PITPNC1: variants seen among roughly 807,000 people sequenced by gnomAD.
PITPNC1 encodes phosphatidylinositol transfer protein cytoplasmic 1, also known as cytoplasmic phosphatidylinositol transfer protein 1.
In PITPNC1, 18 loss-of-function variants were observed where a neutral mutation model predicts 44.7. That is an observed-to-expected ratio of 0.40 (90% CI 0.28 to 0.60). The LOEUF (loss-of-function observed/expected upper bound fraction) is 0.60. PITPNC1 is among the 20% of genes least tolerant of loss of function. The pLI, the probability that PITPNC1 is intolerant of heterozygous loss-of-function variation, is 0.39. For missense variants in PITPNC1, 290 were observed against 418.4 expected (o/e 0.69, Z 2.68); for synonymous variants, 141 against 149.6 (o/e 0.94, Z 0.42).
chr17:67,617,793 T>C (rs985997866), intron 5 of PITPNC1, among the ~76,000 whole-genome samples: 21 of 152,118 alleles, frequency 1.4e-4, no homozygotes, highest in Non-Finnish European at 2.2e-4. Context: ...GCCTTAATCG[T>C]ATCTGTGTCC....
chr17:67,691,689 A>T lies in PITPNC1; in HGVS notation c.683-883A>T, dbSNP rs538793817. Among the ~76,000 whole-genome samples the T allele has an allele frequency of 3.9e-5, 6 of 152,322 alleles. No homozygotes were observed. The East Asian group carries it at 1.2e-3, about 29-fold the overall frequency. On this transcript the variant is annotated intron_variant, in intron 8 of 8. Transcript: ENST00000581322. ...CATCTTTGTGGCCCCTCAGAATAAA[A>T]AAGTATATGTATTGATTAAGAAGAT...
chr17:67,400,605 G>T (rs1186192082), intron 1 of PITPNC1, among the ~76,000 whole-genome samples: 1 of 151,962 alleles, frequency 6.6e-6, no homozygotes, highest in Non-Finnish European at 1.5e-5. Context: ...AGTAACACAA[G>T]GAAAGATTTC....
chr17:67,549,507 T>C (rs1170179229), intron 2 of PITPNC1, among the ~76,000 whole-genome samples: 2 of 152,206 alleles, frequency 1.3e-5, no homozygotes, highest in Non-Finnish European at 2.9e-5. Flanking sequence ...CTGAAACAGC[T>C]AAAATAGATT....
chr17:67,445,595 A>G (rs1290231804), intron 1 of PITPNC1, among the ~76,000 whole-genome samples: 1 of 152,072 alleles, frequency 6.6e-6, no homozygotes, highest in Non-Finnish European at 1.5e-5. Flanking sequence ...GGTGCATTTA[A>G]AGAAACTGTT....
intron 1 of PITPNC1, among the ~76,000 whole-genome samples, chr17:67,412,251 C>T (rs1298579885): frequency 2.6e-5 from 4 of 152,058 alleles, no homozygotes; most frequent in South Asian, 4.1e-4. Context: ...GCCTGGAGCC[C>T]GGGGCAGGGT....
chr17:67,599,014 ATATATATATATATATATATATTTTT>A (rs1307758208), intron 5 of PITPNC1, among the ~76,000 whole-genome samples: 3 of 20,176 alleles, frequency 1.5e-4, no homozygotes, highest in Non-Finnish European at 4.4e-4. Flanking sequence ...ATATATATAT[ATATATATATATATATATATATTTTT>A]TTTTTTTTTT....
chr17:67,669,536 C>T lies in PITPNC1; in HGVS notation c.491C>T (p.Thr164Ile). 6.2e-7 allele frequency: 1 copy of T among 1,608,486 alleles called. No homozygotes were observed. The highest frequency in any genetic ancestry group is 8.5e-7 in the Non-Finnish European group (1 of 1,176,984). ...CCTAAGCACTTCAAGTCAGAGAAGA[C>T]AGGACGGGGACAGTTGAGGGAAGGC... is the stretch of plus-strand genomic sequence containing the variant. Reference protein sequence around the residue: ...EDPKHFKSEKTGRGQLREGWR... With the variant: ...EDPKHFKSEKIGRGQLREGWR... The change falls in exon 7 of 9, where the codon ACA (threonine) becomes ATA (isoleucine). Residue 164 changes from threonine to isoleucine, a missense_variant. Coordinates refer to ENST00000581322, the MANE Select transcript of PITPNC1 (RefSeq NM_012417.4).
chr17:67,576,126 C>G (rs1210832109), intron 4 of PITPNC1, among the ~76,000 whole-genome samples: 2 of 152,048 alleles, frequency 1.3e-5, no homozygotes, highest in African/African-American at 4.8e-5. Flanking sequence ...ATATGCCTGC[C>G]TTGGTCTCCC....
At chr17:67,423,783 T>C (rs943598003) in intron 1 of PITPNC1, among the ~76,000 whole-genome samples, 3 of 152,102 alleles carry the variant, frequency 2.0e-5, no homozygotes, top group African/African-American at 7.2e-5. Context: ...AGTTACAGAT[T>C]TCTGTCCTGA....
At chr17:67,647,131 T>C (rs911063277) in intron 6 of PITPNC1, among the ~76,000 whole-genome samples, 24 of 152,152 alleles carry the variant, frequency 1.6e-4, no homozygotes, top group African/African-American at 5.6e-4. Flanking sequence ...TTGAGACGGT[T>C]GGTTACCTGA....
At chr17:67,478,360 T>G (rs183555268) in intron 1 of PITPNC1, among the ~76,000 whole-genome samples, 2 of 152,216 alleles carry the variant, frequency 1.3e-5, no homozygotes, top group South Asian at 2.1e-4. Flanking sequence ...GTCTGATCTT[T>G]TCTAAATCTG....
chr17:67,600,266 A>G (rs998409395), intron 5 of PITPNC1, among the ~76,000 whole-genome samples: 1 of 152,162 alleles, frequency 6.6e-6, no homozygotes, highest in Non-Finnish European at 1.5e-5. Context: ...AAAAAGCAGC[A>G]ACAGTGACAA....
chr17:67,563,612 G>GT (rs1449245873), intron 4 of PITPNC1, among the ~76,000 whole-genome samples: 1 of 152,222 alleles, frequency 6.6e-6, no homozygotes, highest in East Asian at 1.9e-4. Context: ...ACAGGTCTCA[G>GT]TGGCCATTCT....
At position 67,535,087 on chromosome 17, in the gene PITPNC1, A is replaced by T. The variant is rs371934989; in HGVS notation, c.197+2137A>T. 3.9e-5 allele frequency among the ~76,000 whole-genome samples: 6 copies of T among 152,354 alleles called. No homozygotes were observed. The East Asian group carries it at 7.7e-4, about 20-fold the overall frequency. On this transcript the variant is annotated intron_variant, in intron 2 of 8. Transcript: ENST00000581322. The stretch of plus-strand genomic sequence containing the variant: ...AACTGATGTTTTAATTTGCCCAGAG[A>T]TGCAGTACCAGGGAATTCCTGAGTC...
chr17:67,427,629 C>T (rs150226112), intron 1 of PITPNC1, among the ~76,000 whole-genome samples: 2 of 152,282 alleles, frequency 1.3e-5, no homozygotes, highest in African/African-American at 4.8e-5. Flanking sequence ...TGGCTGCACC[C>T]GAGCTTGGCT....
chr17:67,642,508 G>A (rs1343895908), intron 6 of PITPNC1, among the ~76,000 whole-genome samples: 2 of 152,106 alleles, frequency 1.3e-5, no homozygotes, highest in African/African-American at 4.8e-5. Context: ...TTTTATTAAT[G>A]AATAGGAACA....
chr17:67,494,170 T>TCTTA (rs1568012787), intron 1 of PITPNC1, among the ~76,000 whole-genome samples: 1 of 65,194 alleles, frequency 1.5e-5, no homozygotes, highest in African/African-American at 5.8e-5. Flanking sequence ...CCTCTTTCTT[T>TCTTA]CTTTCTTTCT....
chr17:67,549,930 C>T (rs35201675), intron 2 of PITPNC1, among the ~76,000 whole-genome samples: 4,357 of 152,240 alleles, frequency 0.029, 87 homozygotes, highest in Middle Eastern at 0.058. Flanking sequence ...TCCACATCTT[C>T]CCACACTACC....
intron 1 of PITPNC1, among the ~76,000 whole-genome samples, chr17:67,414,546 C>T (rs2038557465): frequency 6.6e-6 from 1 of 152,010 alleles, no homozygotes; most frequent in Non-Finnish European, 1.5e-5. Context: ...CAATTCCAGC[C>T]CATCACCTCT....
Sources: allele counts gnomAD v4.1 joint callset (sites outside exome capture counted in the v4.1 genomes callset), GRCh38; gene constraint gnomAD v4.1.1; transcripts MANE v1.5; gene names NCBI Gene and HGNC (gene_info 2026-07-23, HGNC 2026-07-21).